DAPK2: variants seen among roughly 807,000 people sequenced by gnomAD.
DAPK2 encodes death associated protein kinase 2, also known as death-associated protein kinase 2.
DAPK2 carries 35 observed loss-of-function variants against 44.1 expected under a neutral mutation model. The ratio of observed to expected loss-of-function variants is 0.79; its 90% CI spans 0.61 to 1.05. The LOEUF (loss-of-function observed/expected upper bound fraction) is 1.05, where lower values mean the gene tolerates loss of function less well. Among genes scored for constraint, DAPK2 ranks in the 50% least tolerant of loss-of-function variants. DAPK2 has a pLI of 0.00. For missense variants in DAPK2, 453 were observed against 483.2 expected (o/e 0.94, Z 0.59); for synonymous variants, 174 against 182.6 (o/e 0.95, Z 0.38).
intron 1 of DAPK2, among the ~76,000 whole-genome samples, chr15:64,036,338 C>CATATATATATATATGTATAT (rs1555484594): frequency 2.1e-4 from 9 of 42,984 alleles, no homozygotes; most frequent in Non-Finnish European, 3.9e-4. Context: ...TATATATATA[C>CATATATATATATATGTATAT]ATATATATAT....
chr15:63,997,752 C>T (rs1415290302), intron 1 of DAPK2, among the ~76,000 whole-genome samples: 1 of 152,206 alleles, frequency 6.6e-6, no homozygotes, highest in African/African-American at 2.4e-5. Context: ...ACATGGCCCA[C>T]ACTGGAGTCA....
At chr15:63,991,480 G>C (rs117475994) in intron 1 of DAPK2, 1 of 366,370 alleles carries the variant, frequency 2.7e-6, no homozygotes, top group African/African-American at 2.1e-5. Flanking sequence ...GTTCCTTGAC[G>C]ATGGCTTTGA....
At chr15:63,953,298 C>T (rs1595788903) in intron 3 of DAPK2, among the ~76,000 whole-genome samples, 1 of 152,268 alleles carries the variant, frequency 6.6e-6, no homozygotes, top group East Asian at 1.9e-4. Context: ...GTTCTGGCAA[C>T]CATTTTTCTA....
rs1342263665 is a variant in DAPK2 at position 63,917,786 on chromosome 15, G to C, written c.859-5589C>G. The C allele has an allele frequency of 1.3e-5, 2 of 152,194 alleles. No individual in the cohort carries two copies. The highest frequency in any genetic ancestry group is 4.8e-5 in the African/African-American group (2 of 41,418). The allele number at this position is 152,194 out of a possible 1,614,324, so 9.4% of individuals were successfully genotyped here. On this transcript the variant is annotated intron_variant, in intron 8 of 10. Transcript: ENST00000261891. This position sits in a 1 kb window ranked among gnomAD's most constrained non-coding sequence, Gnocchi z 4.4. ...AGTGGAGGAGGGCGGTCACTGGTGG[G>C]GACGGCGTCCCTGGGAAGGCCTCTC...
At chr15:63,933,097 G>A (rs2077022107) in intron 4 of DAPK2, among the ~76,000 whole-genome samples, 1 of 152,152 alleles carries the variant, frequency 6.6e-6, no homozygotes, top group Admixed American at 6.5e-5. Context: ...AATTCAAAGT[G>A]TGGTCTGCAG....
At chr15:64,043,646 T>G (rs1008108087), upstream of DAPK2, among the ~76,000 whole-genome samples, 24 of 152,350 alleles carry the variant, frequency 1.6e-4, no homozygotes, top group Middle Eastern at 3.4e-3. Flanking sequence ...GCAATGTTGT[T>G]TCCTGATCTG....
chr15:64,018,581 C>A (rs1275369249), intron 1 of DAPK2, among the ~76,000 whole-genome samples: 1 of 152,138 alleles, frequency 6.6e-6, no homozygotes, highest in Non-Finnish European at 1.5e-5. Flanking sequence ...GCCACCTGTC[C>A]CGTGGTTCTC....
intron 2 of DAPK2, among the ~76,000 whole-genome samples, chr15:63,975,652 G>A (rs1229065443): frequency 3.3e-5 from 5 of 151,320 alleles, no homozygotes; most frequent in African/African-American, 1.2e-4. Flanking sequence ...AGGCTGGAGT[G>A]CAGTGATGCG....
At chr15:63,997,834 C>T (rs955744606) in intron 1 of DAPK2, among the ~76,000 whole-genome samples, 2 of 152,318 alleles carry the variant, frequency 1.3e-5, no homozygotes, top group South Asian at 2.1e-4. Flanking sequence ...AAGATAACTC[C>T]AGTCCAGTTC....
chr15:63,999,298 C>T (rs2079025107), intron 1 of DAPK2, among the ~76,000 whole-genome samples: 1 of 152,180 alleles, frequency 6.6e-6, no homozygotes, highest in Non-Finnish European at 1.5e-5. Flanking sequence ...AGGCATCAGA[C>T]CCGAGCCTTT....
Position 63,917,014 on chromosome 15 carries a change from T to C in DAPK2, c.859-4817A>G, listed in dbSNP as rs927614401. The C allele has an allele frequency of 6.6e-6, 1 of 152,072 alleles. No individual in the cohort carries two copies. Among genetic ancestry groups the C allele is most frequent in the African/African-American group, 2.4e-5 (1 of 41,374 alleles). 9.4% of individuals were successfully genotyped at this position (152,072 alleles called of 1,614,324 possible). On this transcript the variant is annotated intron_variant, in intron 8 of 10. Transcript: ENST00000261891. The surrounding 1 kb of genome is among the most constrained non-coding windows in gnomAD (Gnocchi z 4.4). ...GGATGGAATGGGAATCCAGATGAGA[T>C]GAAGGAATTATTGCTGATTTTGTCA...
chr15:64,014,781 A>C (rs1416462859), intron 1 of DAPK2, among the ~76,000 whole-genome samples: 1 of 152,138 alleles, frequency 6.6e-6, no homozygotes. Context: ...TTAGCTGGGC[A>C]TGGTGGTGGG....
chr15:63,933,775 T>G (rs115097224), intron 4 of DAPK2, among the ~76,000 whole-genome samples: 5 of 151,770 alleles, frequency 3.3e-5, no homozygotes, highest in Non-Finnish European at 7.4e-5. Flanking sequence ...TTTTTAAATT[T>G]TTTTGTAGAG....
intron 10 of DAPK2, chr15:63,911,210 A>T (rs2078779030): frequency 7.5e-6 from 1 of 132,974 alleles, no homozygotes. Context: ...TAAGAGTGAA[A>T]CTCTGTCTAA....
chr15:63,966,095 G>T lies in DAPK2; in HGVS notation c.453+5328C>A, dbSNP rs1321368795. Among the ~76,000 whole-genome samples the T allele has an allele frequency of 1.3e-5, 2 of 152,216 alleles. No homozygotes were observed. Among genetic ancestry groups the T allele is most frequent in the Non-Finnish European group, 2.9e-5 (2 of 68,044 alleles). ...GTGCACATCTCTGAGTGATACACTG[G>T]ATGTCACTGCTGACTATTCAGGGCC... On this transcript the variant is annotated intron_variant, in intron 3 of 10. Transcript: ENST00000261891. The surrounding 1 kb of genome is among the most constrained non-coding windows in gnomAD (Gnocchi z 5.5).
At chr15:64,001,071 G>A (rs188504031) in intron 1 of DAPK2, among the ~76,000 whole-genome samples, 1 of 151,946 alleles carries the variant, frequency 6.6e-6, no homozygotes, top group Admixed American at 6.6e-5. Flanking sequence ...GTAGAGACAG[G>A]GTTTCACCAT....
intron 6 of DAPK2, among the ~76,000 whole-genome samples, chr15:63,927,782 C>T (rs1217678708): frequency 6.6e-6 from 1 of 151,674 alleles, no homozygotes; most frequent in Non-Finnish European, 1.5e-5. Context: ...GCTCTGTTGC[C>T]CAGGACGGAG....
intron 3 of DAPK2, among the ~76,000 whole-genome samples, chr15:63,951,292 G>T (rs893220985): frequency 2.6e-5 from 4 of 152,118 alleles, no homozygotes; most frequent in African/African-American, 9.7e-5. Context: ...CCTCTACAAG[G>T]CCTCTGTGTT....
intron 1 of DAPK2, among the ~76,000 whole-genome samples, chr15:64,021,102 T>C (rs547249150): frequency 6.6e-6 from 1 of 152,302 alleles, no homozygotes; most frequent in East Asian, 1.9e-4. Flanking sequence ...CAACAGAATT[T>C]CCCTTCATCT....
Sources: allele counts gnomAD v4.1 joint callset (sites outside exome capture counted in the v4.1 genomes callset), GRCh38; gene constraint gnomAD v4.1.1; non-coding constraint Gnocchi (gnomAD v3.1); transcripts MANE v1.5; gene names NCBI Gene and HGNC (gene_info 2026-07-23, HGNC 2026-07-21).